The following GFM1 variants were observed in gnomAD, a reference collection of about 807,000 sequenced individuals.
GFM1 encodes G elongation factor mitochondrial 1, also known as elongation factor G, mitochondrial.
A neutral mutation model predicts 96.2 loss-of-function variants in GFM1; 62 were observed. That is an observed-to-expected ratio of 0.64 (90% CI 0.53 to 0.80). The LOEUF (loss-of-function observed/expected upper bound fraction) is 0.80. GFM1 is among the 30% of genes least tolerant of loss of function. The pLI is 0.00. For missense variants in GFM1, 852 were observed against 916.6 expected, an observed-to-expected ratio of 0.93 and a Z score of 0.91; for synonymous variants, 282 against 312.9, an observed-to-expected ratio of 0.90 and a Z score of 1.04.
intron 13 of GFM1, chr3:158,672,694 G>C: frequency 2.1e-6 from 1 of 483,884 alleles, no homozygotes; most frequent in Non-Finnish European, 3.7e-6. Context: ...GACTGCTTCT[G>C]AGGCCCCGCC....
chr3:158,690,444 C>A, intron 16 of GFM1, 121 bp downstream of exon 16: 1 of 927,130 alleles, frequency 1.1e-6, no homozygotes. Flanking sequence ...ATACATGTGG[C>A]ATTTTCTGTA....
intron 8 of GFM1, 75 bp downstream of exon 8, chr3:158,654,706 AT>A: frequency 1.0e-6 from 1 of 978,734 alleles, no homozygotes; most frequent in East Asian, 2.4e-5. Context: ...CTATTACAGA[AT>A]GACTCTGACT....
chr3:158,694,518 A>G lies in GFM1; in HGVS notation c.*3051A>G, dbSNP rs1175279042. Reference sequence around the variant, plus strand: ...ACCTTGATGATGAAATAATCTGTACAACAAACCCCCAGGACACAAGTTTAG... The same window carrying G: ...ACCTTGATGATGAAATAATCTGTACGACAAACCCCCAGGACACAAGTTTAG... On this transcript the variant is annotated 3_prime_UTR_variant, in exon 18 of 18. Transcript: ENST00000486715. 1.3e-5 allele frequency among the ~76,000 whole-genome samples: 2 copies of G among 152,166 alleles called. No individual in the cohort carries two copies. Among genetic ancestry groups the G allele is most frequent in the Non-Finnish European group, 2.9e-5 (2 of 68,038 alleles).
At chr3:158,649,523 G>A in intron 5 of GFM1, 2 of 204,270 alleles carry the variant, frequency 9.8e-6, no homozygotes, top group South Asian at 1.8e-4. Context: ...TGCCAGGTCT[G>A]GGGTATTGTG....
At chr3:158,650,656 C>T (rs1722214356) in intron 5 of GFM1, 1 of 152,288 alleles carries the variant, frequency 6.6e-6, no homozygotes, top group African/African-American at 2.4e-5. Context: ...GAAATGGCTT[C>T]TTTTGTCTTT....
intron 16 of GFM1, 184 bp downstream of exon 16, chr3:158,690,507 T>C (rs1434585420): frequency 1.7e-5 from 10 of 601,948 alleles, no homozygotes; most frequent in Non-Finnish European, 2.3e-5. Flanking sequence ...AGATTTATTT[T>C]ATCTTGACCT....
chr3:158,646,378 T>G, intron 3 of GFM1, 81 bp downstream of exon 3: 1 of 1,435,562 alleles, frequency 7.0e-7, no homozygotes, highest in Admixed American at 1.7e-5. Flanking sequence ...CCCAATTAGT[T>G]TTTGATTGTC....
chr3:158,674,309 T>C (rs925087977), intron 13 of GFM1, among the ~76,000 whole-genome samples: 1 of 151,970 alleles, frequency 6.6e-6, no homozygotes, highest in Non-Finnish European at 1.5e-5. Flanking sequence ...TCCTCCCTCC[T>C]CTGCCTCCCA....
intron 10 of GFM1, 52 bp downstream of exon 10, chr3:158,661,027 G>C (rs905507286): frequency 2.1e-6 from 3 of 1,446,278 alleles, no homozygotes; most frequent in Non-Finnish European, 2.9e-6. Context: ...AAAAGTCTGT[G>C]TTTTTATGTA....
At chr3:158,661,187 A>G (rs930627700) in intron 10 of GFM1, among the ~76,000 whole-genome samples, 2 of 152,170 alleles carry the variant, frequency 1.3e-5, no homozygotes, top group African/African-American at 2.4e-5. Context: ...GGTTTTTCAT[A>G]GTAAAAAGGA....
At chr3:158,644,837 C>T (rs753846091) in intron 1 of GFM1, 122 bp downstream of exon 1, 2 of 826,134 alleles carry the variant, frequency 2.4e-6, no homozygotes, top group Non-Finnish European at 4.1e-6. Flanking sequence ...TACTGGCAGT[C>T]GCTCGTCAGT....
rs763873216 is a variant in GFM1, at chr3:158,691,126, T to A, written c.2071-13T>A. On this transcript the variant is annotated splice_polypyrimidine_tract_variant and intron_variant, in intron 16 of 17. Transcript: ENST00000486715. ...ATAAGCAGTGCTAAAATATCTACTA[T>A]GTTTGTTTTCAGGTCCCTCTAAATG... is the stretch of plus-strand genomic sequence containing the variant. 1 of 1,588,572 alleles carries A rather than the reference T, an allele frequency of 6.3e-7. No individual in the cohort carries two copies. Among genetic ancestry groups the A allele is most frequent in the Non-Finnish European group, 8.6e-7 (1 of 1,157,064 alleles).
intron 13 of GFM1, among the ~76,000 whole-genome samples, chr3:158,672,042 A>G (rs1724367404): frequency 6.6e-6 from 1 of 152,174 alleles, no homozygotes. Context: ...AATGGTTTCT[A>G]CAGTTTACAC....
chr3:158,647,236 G>A (rs1019180926), intron 4 of GFM1, among the ~76,000 whole-genome samples: 2 of 152,096 alleles, frequency 1.3e-5, no homozygotes, highest in Non-Finnish European at 2.9e-5. Context: ...TATTATGAGA[G>A]AAGTTATAAT....
At position 158,682,118 on chromosome 3, in the gene GFM1, A is replaced by T; in HGVS notation, c.1725A>T (p.Gly575=). ...TKLEFSDETF[G]SNIPKQFVPA... ...TGGAATTTTCAGATGAAACATTCGGATCAAATATTCCAAAGCAGTTTGTGC... is the reference window on the plus strand; with the variant it reads ...TGGAATTTTCAGATGAAACATTCGGTTCAAATATTCCAAAGCAGTTTGTGC... Residue 575 remains glycine (G), a synonymous_variant, in exon 14 of 18, where the codon GGA becomes GGT. Coordinates refer to ENST00000486715, the MANE Select transcript of GFM1 (RefSeq NM_024996.7). 1 of 1,613,910 alleles carries T rather than the reference A, an allele frequency of 6.2e-7. No homozygotes were observed. The highest frequency in any genetic ancestry group is 1.1e-5 in the South Asian group (1 of 91,070).
intron 13 of GFM1, among the ~76,000 whole-genome samples, chr3:158,671,581 A>T (rs1415506550): frequency 6.6e-6 from 1 of 152,222 alleles, no homozygotes; most frequent in African/African-American, 2.4e-5. Flanking sequence ...ACAGATTGAA[A>T]ATTTATACCT....
rs1044767440 is a variant in GFM1, at chr3:158,682,174, G to T, written c.1764+17G>T. 6.2e-7 allele frequency: 1 copy of T among 1,603,298 alleles called. No homozygotes were observed. The highest frequency in any genetic ancestry group is 1.3e-5 in the African/African-American group (1 of 74,674). ...GTAGAAAAGGTAAATTTTTAAAAAA[G>T]TGTTTTTGCATTTTTACTTACTAAA... On this transcript the variant is annotated intron_variant, in intron 14 of 17. Transcript: ENST00000486715.
At chr3:158,659,532 A>G (rs975134427) in intron 9 of GFM1, among the ~76,000 whole-genome samples, 8 of 152,304 alleles carry the variant, frequency 5.3e-5, no homozygotes, top group Non-Finnish European at 1.2e-4. Flanking sequence ...TGTAGAACCC[A>G]CTGCAGGACC....
chr3:158,684,226 A>G lies in GFM1; in HGVS notation c.1765-298A>G, dbSNP rs62288305. Among the ~76,000 whole-genome samples the G allele has an allele frequency of 0.18, 26,864 of 152,088 alleles. 2,450 individuals are homozygous for G. Among genetic ancestry groups the G allele is most frequent in the Non-Finnish European group, 0.22 (14,654 of 67,988 alleles). Reference sequence around the variant, plus strand: ...GAGGGTGAAGGATGAGAAGGAGAGGATCAGAAAAAAATAACTAATGGGTAC... The same window carrying G: ...GAGGGTGAAGGATGAGAAGGAGAGGGTCAGAAAAAAATAACTAATGGGTAC... On this transcript the variant is annotated intron_variant, in intron 14 of 17. Coordinates refer to ENST00000486715, the MANE Select transcript of GFM1 (RefSeq NM_024996.7).
Sources: allele counts gnomAD v4.1 joint callset (sites outside exome capture counted in the v4.1 genomes callset), GRCh38; gene constraint gnomAD v4.1.1; transcripts MANE v1.5; gene names NCBI Gene and HGNC (gene_info 2026-07-23, HGNC 2026-07-21).